The following UGGT2 variants were observed in gnomAD, a reference collection of about 807,000 sequenced individuals.
The protein encoded by UGGT2 is UDP-glucose:glycoprotein glucosyltransferase 2.
Under a neutral mutation model 192.1 loss-of-function variants are expected in UGGT2, and 180 were observed. The observed-to-expected ratio is 0.94, with a 90% confidence interval of 0.83 to 1.06. The LOEUF (loss-of-function observed/expected upper bound fraction) is 1.06. Ranked by LOEUF, UGGT2 falls within the 50% of genes least tolerant of loss-of-function variation. The pLI is 0.00. For missense variants in UGGT2, 1,849 were observed against 1,795.7 expected (o/e 1.03, Z -0.54); for synonymous variants, 580 against 591.0 (o/e 0.98, Z 0.27).
At chr13:96,000,681 C>CA (rs1462353820) in intron 5 of UGGT2, among the ~76,000 whole-genome samples, 1 of 152,114 alleles carries the variant, frequency 6.6e-6, no homozygotes, top group African/African-American at 2.4e-5. Flanking sequence ...AAAAGAAATG[C>CA]AATTTCACAT....
intron 5 of UGGT2, among the ~76,000 whole-genome samples, chr13:96,003,232 TG>T (rs1171588363): frequency 2.0e-5 from 3 of 152,168 alleles, no homozygotes; most frequent in Non-Finnish European, 4.4e-5. Context: ...ATTGGCAAGG[TG>T]TTTACAGTCC....
chr13:95,917,189 A>AC (rs2048706639), intron 20 of UGGT2, among the ~76,000 whole-genome samples: 2 of 152,210 alleles, frequency 1.3e-5, no homozygotes, highest in Admixed American at 1.3e-4. Context: ...CATCAGACTA[A>AC]CAGCAGACCT....
intron 37 of UGGT2, 132 bp from the exon 38 acceptor site, chr13:95,833,185 C>A: frequency 1.1e-6 from 1 of 914,986 alleles, no homozygotes; most frequent in Non-Finnish European, 1.6e-6. Flanking sequence ...AAGTTTAATA[C>A]ACACAGGATC....
At chr13:95,971,691 A>C (rs1233365713) in intron 11 of UGGT2, among the ~76,000 whole-genome samples, 6 of 152,106 alleles carry the variant, frequency 3.9e-5, no homozygotes. Context: ...AGCATTTACA[A>C]ACTTCTCTAC....
At chr13:96,001,345 G>A (rs1015487485) in intron 5 of UGGT2, among the ~76,000 whole-genome samples, 1 of 151,448 alleles carries the variant, frequency 6.6e-6, no homozygotes, top group African/African-American at 2.4e-5. Context: ...TGAGTACCTT[G>A]CGACCCCCAC....
chr13:95,913,702 GAATT>G (rs2048580308), intron 20 of UGGT2, among the ~76,000 whole-genome samples: 1 of 152,126 alleles, frequency 6.6e-6, no homozygotes, highest in African/African-American at 2.4e-5. Flanking sequence ...ATCTAAACTA[GAATT>G]AATATTTGAC....
intron 7 of UGGT2, among the ~76,000 whole-genome samples, chr13:95,994,226 A>G (rs1283326223): frequency 1.3e-5 from 2 of 152,026 alleles, no homozygotes; most frequent in Non-Finnish European, 2.9e-5. Flanking sequence ...AATTTATCAT[A>G]TGAAAAGTGA....
chr13:96,049,730 T>C (rs989041282), intron 1 of UGGT2, among the ~76,000 whole-genome samples: 1 of 152,144 alleles, frequency 6.6e-6, no homozygotes, highest in Non-Finnish European at 1.5e-5. Context: ...CCATTCACAA[T>C]TGCTTCAAAG....
At chr13:95,946,618 G>A (rs530773394) in intron 15 of UGGT2, among the ~76,000 whole-genome samples, 1 of 152,202 alleles carries the variant, frequency 6.6e-6, no homozygotes, top group South Asian at 2.1e-4. Flanking sequence ...CGATCCTCCT[G>A]CCTTGGCCTC....
intron 36 of UGGT2, among the ~76,000 whole-genome samples, chr13:95,852,357 T>C (rs1594149373): frequency 6.6e-6 from 1 of 152,188 alleles, no homozygotes; most frequent in East Asian, 1.9e-4. Flanking sequence ...TGTCAGCTTT[T>C]AGGCCTCCAT....
intron 36 of UGGT2, among the ~76,000 whole-genome samples, chr13:95,848,495 AT>A (rs999543812): frequency 5.3e-5 from 8 of 151,952 alleles, no homozygotes; most frequent in African/African-American, 1.9e-4. Flanking sequence ...GTCTAGATTC[AT>A]TTTTTTCTTA....
chr13:95,970,850 G>C (rs933765433), intron 11 of UGGT2, among the ~76,000 whole-genome samples: 3 of 152,118 alleles, frequency 2.0e-5, no homozygotes, highest in African/African-American at 7.2e-5. Context: ...TGGCTGAGGC[G>C]ACTATTCAGA....
chr13:95,839,294 G>A (rs1028605255), intron 36 of UGGT2, among the ~76,000 whole-genome samples: 1 of 152,044 alleles, frequency 6.6e-6, no homozygotes, highest in Non-Finnish European at 1.5e-5. Context: ...TTCACACACT[G>A]TCCTCATATC....
At chr13:95,823,847 CTCTG>C (rs1305261675) in intron 38 of UGGT2, among the ~76,000 whole-genome samples, 2 of 151,926 alleles carry the variant, frequency 1.3e-5, no homozygotes, top group African/African-American at 4.8e-5. Flanking sequence ...GTTTTACAGG[CTCTG>C]TGAGTTTTTT....
At chr13:95,973,439 A>G (rs1024434097) in intron 10 of UGGT2, among the ~76,000 whole-genome samples, 8 of 152,242 alleles carry the variant, frequency 5.3e-5, no homozygotes, top group African/African-American at 1.9e-4. Flanking sequence ...ACAATTTGCT[A>G]GTTGGCACAT....
At chr13:95,835,588 G>T (rs1391359742) in intron 37 of UGGT2, among the ~76,000 whole-genome samples, 1 of 152,100 alleles carries the variant, frequency 6.6e-6, no homozygotes, top group African/African-American at 2.4e-5. Context: ...TTCTATACAT[G>T]TCTGAAAAAG....
At chr13:95,849,062 C>A (rs1402812522) in intron 36 of UGGT2, among the ~76,000 whole-genome samples, 1 of 151,922 alleles carries the variant, frequency 6.6e-6, no homozygotes, top group Non-Finnish European at 1.5e-5. Context: ...ATTTTAAATT[C>A]CACTTGTTTA....
intron 12 of UGGT2, among the ~76,000 whole-genome samples, chr13:95,960,028 GA>G (rs2140692475): frequency 1.3e-5 from 2 of 152,252 alleles, no homozygotes; most frequent in South Asian, 4.1e-4. Flanking sequence ...ATCATACAGA[GA>G]TTACCCTACT....
rs143399470 is a variant in UGGT2, at chr13:95,909,894, C to G, written c.2296-6834G>C. ...CCCATCAGACTAACAACGGACCTCT[C>G]AGCAGAAACCCTACAAGCCAGAAGA... On this transcript the variant is annotated intron_variant, in intron 20 of 38. Transcript: ENST00000376747. Among the ~76,000 whole-genome samples, 977 of 150,708 alleles carry G rather than the reference C, an allele frequency of 6.5e-3. 10 individuals are homozygous for G. Among genetic ancestry groups the G allele is most frequent in the African/African-American group, 0.023 (939 of 41,104 alleles).
Sources: allele counts gnomAD v4.1 joint callset (sites outside exome capture counted in the v4.1 genomes callset), GRCh38; gene constraint gnomAD v4.1.1; transcripts MANE v1.5; gene names NCBI Gene and HGNC (gene_info 2026-07-23, HGNC 2026-07-21).